Variants in ATP8A1 observed in about 807,000 individuals in gnomAD.
The protein encoded by ATP8A1 is ATPase phospholipid transporting 8A1.
Under a neutral mutation model 177.7 loss-of-function variants are expected in ATP8A1, and 90 were observed. The ratio of observed to expected loss-of-function variants is 0.51; its 90% CI spans 0.43 to 0.60. The LOEUF is 0.60. Among genes scored for constraint, ATP8A1 ranks in the 20% least tolerant of loss-of-function variants. The pLI, the probability that ATP8A1 is intolerant of heterozygous loss-of-function variation, is 0.00. For synonymous variants in ATP8A1, 493 were observed against 485.9 expected, an observed-to-expected ratio of 1.01 and a Z score of -0.19; for missense variants, 1,072 against 1,392.8, an observed-to-expected ratio of 0.77 and a Z score of 3.67.
chr4:42,614,325 A>G (rs556669044), intron 5 of ATP8A1, among the ~76,000 whole-genome samples: 2 of 152,338 alleles, frequency 1.3e-5, no homozygotes, highest in South Asian at 2.1e-4. Context: ...TGAACATAGG[A>G]GCCCTCTGCT....
chr4:42,504,258 C>CAT (rs962222228), intron 23 of ATP8A1, among the ~76,000 whole-genome samples: 1 of 152,182 alleles, frequency 6.6e-6, no homozygotes, highest in Non-Finnish European at 1.5e-5. Context: ...TCCAGACTCT[C>CAT]ATATCCAAGT....
chr4:42,633,775 T>C lies in ATP8A1; in HGVS notation c.50-6666A>G, dbSNP rs143114543. ...ATGTGAGCTATTTTCATTGTTGTTGTTATCACTGCTAGTGATGCTACTATA... is the reference window on the plus strand; with the variant it reads ...ATGTGAGCTATTTTCATTGTTGTTGCTATCACTGCTAGTGATGCTACTATA... On this transcript the variant is annotated intron_variant, in intron 1 of 36. Coordinates refer to ENST00000381668, the MANE Select transcript of ATP8A1 (RefSeq NM_006095.2). Among the ~76,000 whole-genome samples the C allele has an allele frequency of 3.2e-4, 49 of 151,172 alleles. 1 individual carries two copies. The East Asian group carries it at 8.2e-3, about 25-fold the overall frequency.
At chr4:42,550,866 G>A (rs934304701) in intron 18 of ATP8A1, among the ~76,000 whole-genome samples, 1 of 152,118 alleles carries the variant, frequency 6.6e-6, no homozygotes, top group South Asian at 2.1e-4. Context: ...TTGGGCCTGA[G>A]TATTTAACTA....
intron 36 of ATP8A1, among the ~76,000 whole-genome samples, chr4:42,414,026 C>T (rs551110965): frequency 6.6e-6 from 1 of 152,306 alleles, no homozygotes; most frequent in Non-Finnish European, 1.5e-5. Context: ...TAGAAAAGGC[C>T]TCTTGAAGTA....
chr4:42,614,475 CCCTTT>C (rs2109445738), intron 5 of ATP8A1, among the ~76,000 whole-genome samples: 1 of 152,274 alleles, frequency 6.6e-6, no homozygotes, highest in African/African-American at 2.4e-5. Flanking sequence ...TGGATTTTTT[CCCTTT>C]CAATTCCTGT....
chr4:42,475,690 C>T (rs970023488), intron 25 of ATP8A1, among the ~76,000 whole-genome samples: 1 of 152,052 alleles, frequency 6.6e-6, no homozygotes, highest in Non-Finnish European at 1.5e-5. Flanking sequence ...CGTATTAGCT[C>T]ATTTATTCTT....
intron 12 of ATP8A1, among the ~76,000 whole-genome samples, chr4:42,577,324 G>A (rs1021140325): frequency 6.6e-6 from 1 of 152,124 alleles, no homozygotes; most frequent in Non-Finnish European, 1.5e-5. Flanking sequence ...TGCATGAAGT[G>A]AGCTACACCT....
intron 7 of ATP8A1, chr4:42,588,566 A>C (rs1188733579): frequency 1.2e-5 from 5 of 419,624 alleles, no homozygotes; most frequent in African/African-American, 2.0e-5. Context: ...GACAACAATC[A>C]GTAATGGTCT....
At chr4:42,458,121 T>C (rs1345441460) in intron 27 of ATP8A1, among the ~76,000 whole-genome samples, 4 of 152,202 alleles carry the variant, frequency 2.6e-5, no homozygotes, top group East Asian at 3.8e-4. Context: ...AACAGTGAAG[T>C]AGCCTACCAG....
At chr4:42,555,115 ATCTATCTATCTATCTATCTATCTAATCT>A (rs1223923328) in intron 16 of ATP8A1, among the ~76,000 whole-genome samples, 11 of 96,168 alleles carry the variant, frequency 1.1e-4, no homozygotes, top group African/African-American at 3.7e-4. Flanking sequence ...CTATCTATCT[ATCTATCTATCTATCTATCTATCTAATCT>A]ATCTATCTAT....
At chr4:42,527,769 AT>A (rs112953453) in intron 20 of ATP8A1, among the ~76,000 whole-genome samples, 25,239 of 152,162 alleles carry the variant, frequency 0.17, 4,492 homozygotes, top group African/African-American at 0.45. Context: ...TAAAAGACTA[AT>A]TTTGAGTTAC....
At chr4:42,551,982 C>A (rs189433356) in intron 17 of ATP8A1, among the ~76,000 whole-genome samples, 19 of 152,232 alleles carry the variant, frequency 1.2e-4, no homozygotes, top group Non-Finnish European at 2.2e-4. Context: ...AGCCTAAGTA[C>A]TTAATACTGA....
intron 1 of ATP8A1, among the ~76,000 whole-genome samples, chr4:42,637,712 A>G (rs1739538102): frequency 6.6e-6 from 1 of 152,222 alleles, no homozygotes; most frequent in Admixed American, 6.5e-5. Flanking sequence ...TCATGCATTC[A>G]TTCAACAATT....
intron 18 of ATP8A1, among the ~76,000 whole-genome samples, chr4:42,550,812 T>C (rs1449158035): frequency 6.6e-6 from 1 of 152,174 alleles, no homozygotes; most frequent in African/African-American, 2.4e-5. Flanking sequence ...CCATATAGCT[T>C]CTCTTGTGAA....
intron 20 of ATP8A1, among the ~76,000 whole-genome samples, chr4:42,533,915 C>A (rs543268684): frequency 6.6e-6 from 1 of 152,000 alleles, no homozygotes; most frequent in Non-Finnish European, 1.5e-5. Context: ...AGATCAAGAA[C>A]GGAAATAACA....
At chr4:42,529,908 A>G (rs1578113418) in intron 20 of ATP8A1, among the ~76,000 whole-genome samples, 1 of 151,938 alleles carries the variant, frequency 6.6e-6, no homozygotes, top group South Asian at 2.1e-4. Context: ...GTTTGGCTGG[A>G]TGGTCAGGGA....
intron 5 of ATP8A1, among the ~76,000 whole-genome samples, chr4:42,606,567 A>C (rs560245952): frequency 1.3e-5 from 2 of 152,260 alleles, no homozygotes; most frequent in South Asian, 4.1e-4. Flanking sequence ...ATTATAAATC[A>C]CCAGCTAGTC....
chr4:42,471,817 T>C, intron 25 of ATP8A1: 1 of 528,170 alleles, frequency 1.9e-6, no homozygotes, highest in Non-Finnish European at 3.6e-6. Flanking sequence ...GCCATGTTCA[T>C]TTCAAGCACC....
chr4:42,600,338 C>G (rs555323712), intron 6 of ATP8A1, 140 bp downstream of exon 6: 9 of 486,324 alleles, frequency 1.9e-5, no homozygotes, highest in Non-Finnish European at 3.1e-5. Flanking sequence ...ACTGAAGATG[C>G]CATGCATGTT....
Sources: allele counts gnomAD v4.1 joint callset (sites outside exome capture counted in the v4.1 genomes callset), GRCh38; gene constraint gnomAD v4.1.1; transcripts MANE v1.5; gene names NCBI Gene and HGNC (gene_info 2026-07-23, HGNC 2026-07-21).